Variants in CSMD2 observed in about 807,000 individuals in gnomAD.
CSMD2 encodes CUB and sushi domain-containing protein 2.
In CSMD2, 130 loss-of-function variants were observed where a neutral mutation model predicts 398.5. That is an observed-to-expected ratio of 0.33 (90% confidence interval 0.28 to 0.38). The LOEUF (loss-of-function observed/expected upper bound fraction) is 0.38, where lower values mean the gene tolerates loss of function less well. Ranked by LOEUF, CSMD2 falls within the 10% of genes least tolerant of loss-of-function variation. The pLI, the probability that CSMD2 is intolerant of heterozygous loss-of-function variation, is 1.00. For missense variants in CSMD2, 3,829 were observed against 4,764.9 expected, an observed-to-expected ratio of 0.80 and a Z score of 5.78; for synonymous variants, 1,828 against 1,908.5, an observed-to-expected ratio of 0.96 and a Z score of 1.10.
At chr1:34,018,139 A>G (rs1226511260) in intron 3 of CSMD2, among the ~76,000 whole-genome samples, 4 of 152,246 alleles carry the variant, frequency 2.6e-5, no homozygotes, top group Non-Finnish European at 4.4e-5. Context: ...ACATGTTTGT[A>G]ATAAATATGA....
chr1:33,791,679 G>A (rs1454753730), intron 11 of CSMD2, among the ~76,000 whole-genome samples: 1 of 152,102 alleles, frequency 6.6e-6, no homozygotes, highest in Non-Finnish European at 1.5e-5. Flanking sequence ...GTAGAGATGG[G>A]TTTTCAACAT....
chr1:34,011,573 CT>C (rs569433572), intron 3 of CSMD2, among the ~76,000 whole-genome samples: 161 of 151,946 alleles, frequency 1.1e-3, no homozygotes, highest in Non-Finnish European at 1.8e-3. Flanking sequence ...TAAGTGTATT[CT>C]TTTTTTTAAT....
chr1:33,858,197 A>T (rs1173923607), intron 5 of CSMD2, among the ~76,000 whole-genome samples: 3 of 152,254 alleles, frequency 2.0e-5, no homozygotes, highest in Admixed American at 2.0e-4. Context: ...CATCCAAGTC[A>T]GTTGACCTCC....
At position 34,164,983 on chromosome 1, in the gene CSMD2, G is replaced by T; in HGVS notation, c.115C>A (p.Pro39Thr). ...VPGAGSRWGR[P>T]PPPTPPPLLL... ...AGAGGCGGCGGCGTTGGCGGCGGCG[G>T]GCGGCCCCAGCGGCTCCCGGCGCCC... The change falls in exon 1 of 71, where the codon CCG becomes ACG. Residue 39 changes from proline to threonine, a missense_variant. By Grantham distance (38) the Pro-to-Thr change is conservative (BLOSUM62 -1). Around this residue, in one of 5 missense-constraint regions of CSMD2, gnomAD observed 184 missense variants for 217.7 expected, o/e 0.85. Coordinates refer to ENST00000373381, the MANE Select transcript of CSMD2 (RefSeq NM_001281956.2). This position sits in a 1 kb window ranked among gnomAD's most constrained non-coding sequence, Gnocchi z 6.2. 1.7e-6 allele frequency: 2 copies of T among 1,211,342 alleles called. No homozygotes were observed. The highest frequency in any genetic ancestry group is 2.1e-6 in the Non-Finnish European group (2 of 975,288). The allele number at this position is 1,211,342 out of a possible 1,614,324, so 75.0% of individuals were successfully genotyped here. A position where few individuals can be genotyped will look rare whatever the true frequency, so the allele number is the denominator to read the frequency against.
intron 5 of CSMD2, among the ~76,000 whole-genome samples, chr1:33,889,308 G>C (rs80020343): frequency 0.028 from 4,332 of 152,172 alleles, 204 homozygotes; most frequent in African/African-American, 0.097. Flanking sequence ...AGTGACCATG[G>C]ACATATGAAG....
chr1:33,950,325 C>A (rs535832600), intron 3 of CSMD2, among the ~76,000 whole-genome samples: 23 of 151,674 alleles, frequency 1.5e-4, no homozygotes, highest in Non-Finnish European at 3.2e-4. Context: ...TGTACGTACC[C>A]GTCTCCTCCT....
At chr1:33,593,443 G>A (rs889103956) in intron 44 of CSMD2, among the ~76,000 whole-genome samples, 1 of 152,218 alleles carries the variant, frequency 6.6e-6, no homozygotes, top group South Asian at 2.1e-4. Flanking sequence ...GGCTGGGGAG[G>A]CCTCATAATC....
In CSMD2 at chr1:33,583,827, T is replaced by C. The variant is rs774328223; in HGVS notation, c.7055A>G (p.His2352Arg). 1.9e-6 allele frequency: 3 copies of C among 1,612,764 alleles called. No individual in the cohort carries two copies. Among genetic ancestry groups the C allele is most frequent in the Non-Finnish European group, 1.7e-6 (2 of 1,179,274 alleles). ...TGTCAGAAGCTCATTTGTTGGACAG[T>C]GCACTTGGAGAAAGAAAGAGAAACA... ...FEGPPPICEV[H>R]CPTNELLTDS... The change falls in exon 47 of 71, where the codon CAC becomes CGC. Residue 2352 changes from histidine to arginine, a missense_variant. By Grantham distance (29) the His-to-Arg change is conservative. Coordinates refer to ENST00000373381, the MANE Select transcript of CSMD2 (RefSeq NM_001281956.2).
intron 10 of CSMD2, among the ~76,000 whole-genome samples, chr1:33,809,993 T>C (rs1197980599): frequency 2.0e-5 from 3 of 152,082 alleles, no homozygotes; most frequent in Non-Finnish European, 4.4e-5. Flanking sequence ...ACAAGTTTAT[T>C]GCAAGCCATT....
chr1:33,763,261 C>A (rs1423104386), intron 13 of CSMD2, among the ~76,000 whole-genome samples: 3 of 152,146 alleles, frequency 2.0e-5, no homozygotes, highest in African/African-American at 7.2e-5. Flanking sequence ...AGAACTGACA[C>A]AAAACTTTCC....
At chr1:34,120,917 G>A (rs530138575) in intron 1 of CSMD2, among the ~76,000 whole-genome samples, 14 of 152,242 alleles carry the variant, frequency 9.2e-5, no homozygotes, top group African/African-American at 2.4e-4. Flanking sequence ...TATGCCCAGC[G>A]AGGCATTTCC....
In CSMD2 at chr1:33,660,327, C is replaced by CT. The variant is rs879589888; in HGVS notation, c.4256-2191dup. 9.7e-4 allele frequency among the ~76,000 whole-genome samples: 147 copies of CT among 151,424 alleles called. 2 individuals carry two copies. The highest frequency in any genetic ancestry group is 2.9e-3 in the African/African-American group (118 of 41,352). On this transcript the variant is annotated intron_variant, in intron 26 of 70. Transcript: ENST00000373381. ...GGCTGTGATTATGCTTCCCGCTCAC[C>CT]TTTTTTTTTGTTCTCACTTTCTCTC...
chr1:33,743,209 G>T, intron 14 of CSMD2, 71 bp downstream of exon 14: 1 of 1,344,130 alleles, frequency 7.4e-7, no homozygotes, highest in South Asian at 1.4e-5. Flanking sequence ...CCCTCCATGG[G>T]AGCACCTTCG....
Position 33,617,537 on chromosome 1 carries a change from C to T in CSMD2, c.5908G>A (p.Val1970Met), listed in dbSNP as rs1449078158. ...KTGERYLVND[V>M]VSFQCEPGYA... ...CCCGGCTCACACTGGAAAGACACCA[C>T]ATCATTCACCAAGTAGCGCTCGCCA... The change falls in exon 38 of 71, where the codon GTG (valine) becomes ATG (methionine). Residue 1970 changes from valine to methionine, a missense_variant. Physicochemically the swap from Val to Met is conservative, Grantham distance 21. Coordinates refer to ENST00000373381, the MANE Select transcript of CSMD2 (RefSeq NM_001281956.2). 2 of 1,614,084 alleles carry T rather than the reference C, an allele frequency of 1.2e-6. No individual in the cohort carries two copies. The highest frequency in any genetic ancestry group is 2.2e-5 in the South Asian group (2 of 91,066).
intron 44 of CSMD2, among the ~76,000 whole-genome samples, chr1:33,595,677 T>C (rs982446552): frequency 6.6e-6 from 1 of 152,224 alleles, no homozygotes; most frequent in Non-Finnish European, 1.5e-5. Context: ...CCAAGCCAGA[T>C]TCTATGTCCC....
chr1:33,939,303 C>T (rs1253139582), intron 3 of CSMD2, among the ~76,000 whole-genome samples: 1 of 152,096 alleles, frequency 6.6e-6, no homozygotes, highest in Non-Finnish European at 1.5e-5. Flanking sequence ...CCCATGATGC[C>T]CTGCTGCTGG....
At chr1:33,847,922 G>A (rs914814586) in intron 5 of CSMD2, among the ~76,000 whole-genome samples, 5 of 152,116 alleles carry the variant, frequency 3.3e-5, no homozygotes, top group East Asian at 1.9e-4. Context: ...TGTCAGTAAC[G>A]GCAGCTGCTG....
rs1262690574 is a variant in CSMD2, at chr1:33,524,892, C to T, written c.10386G>A (p.Leu3462=). 2 of 1,614,118 alleles carry T rather than the reference C, an allele frequency of 1.2e-6. No homozygotes were observed. Among genetic ancestry groups the T allele is most frequent in the Non-Finnish European group, 1.7e-6 (2 of 1,180,008 alleles). The change falls in exon 66 of 71, where the codon CTG becomes CTA. Residue 3462 remains leucine (L), a synonymous_variant. Transcript: ENST00000373381. ...ATMIDHSGVE[L]HLAGTYKKED... ...GGGCCTGCTCCTTACCAGCCAAGTG[C>T]AGCTCCACGCCACTGTGGTCGATCA... is the stretch of plus-strand genomic sequence containing the variant.
At chr1:33,969,648 C>G (rs1400984483) in intron 3 of CSMD2, among the ~76,000 whole-genome samples, 4 of 152,196 alleles carry the variant, frequency 2.6e-5, no homozygotes, top group Non-Finnish European at 4.4e-5. Context: ...TGAGATCACA[C>G]TAAGAATTAA....
Sources: gnomAD v4.1 joint callset for allele counts (sites outside exome capture counted in the v4.1 genomes callset) on GRCh38, gnomAD v4.1.1 for gene constraint, gnomAD v4.1.1 regional missense constraint, Gnocchi (gnomAD v3.1) non-coding constraint, MANE v1.5 for transcripts, NCBI Gene and HGNC (gene_info 2026-07-23, HGNC 2026-07-21) for gene names.